QTMAN: variants seen among roughly 807,000 people sequenced by gnomAD.
QTMAN encodes queuosine-tRNA mannosyltransferase, also known as tRNA-queuosine alpha-mannosyltransferase.
the QTMAN span, among the ~76,000 whole-genome samples, chr2:144,022,303 T>C: frequency 2.5e-4 from 38 of 151,868 alleles, no homozygotes; most frequent in Admixed American, 2.2e-3. Context: ...AATTTGTATA[T>C]ATATATGATG....
chr2:144,210,872 T>C, the QTMAN span: 1 of 152,166 alleles, frequency 6.6e-6, no homozygotes, highest in African/African-American at 2.4e-5. Context: ...TCTGACTTAC[T>C]CAGAGGAAAT....
the QTMAN span, among the ~76,000 whole-genome samples, chr2:144,293,926 T>C: frequency 6.6e-6 from 1 of 152,220 alleles, no homozygotes; most frequent in East Asian, 1.9e-4. Context: ...CATCTCTTAA[T>C]GGACTACACA....
chr2:144,268,746 CTA>C, the QTMAN span, among the ~76,000 whole-genome samples: 1 of 152,268 alleles, frequency 6.6e-6, no homozygotes, highest in South Asian at 2.1e-4. Context: ...AATAACATTG[CTA>C]TGTTATAATT....
the QTMAN span, chr2:144,011,675 A>C: frequency 1.0e-6 from 1 of 969,932 alleles, no homozygotes; most frequent in Non-Finnish European, 1.2e-6. Context: ...TACCTTACTG[A>C]TGGGGTGAAA....
chr2:144,328,341 TCTTA>T, the QTMAN span, among the ~76,000 whole-genome samples: 1 of 152,210 alleles, frequency 6.6e-6, no homozygotes, highest in African/African-American at 2.4e-5. Flanking sequence ...CACTAGATAT[TCTTA>T]CTAATTGTCT....
chr2:144,246,726 C>A, the QTMAN span, among the ~76,000 whole-genome samples: 1 of 152,122 alleles, frequency 6.6e-6, no homozygotes, highest in Non-Finnish European at 1.5e-5. Flanking sequence ...CATTCTCTTA[C>A]CACAGTGGAC....
At chr2:143,972,879 G>T in the QTMAN span, among the ~76,000 whole-genome samples, 1 of 152,152 alleles carries the variant, frequency 6.6e-6, no homozygotes. Flanking sequence ...TTTAAACAAA[G>T]TACTGTTTAG....
the QTMAN span, among the ~76,000 whole-genome samples, chr2:144,242,228 T>G: frequency 6.6e-6 from 1 of 152,134 alleles, no homozygotes; most frequent in Non-Finnish European, 1.5e-5. Context: ...ATATTTTTGA[T>G]GAACTGATAG....
the QTMAN span, among the ~76,000 whole-genome samples, chr2:144,094,054 C>T: frequency 3.9e-5 from 6 of 152,258 alleles, no homozygotes; most frequent in South Asian, 6.2e-4. Context: ...TGATGATCTA[C>T]GTTGTAATTC....
chr2:144,297,888 T>C, the QTMAN span, among the ~76,000 whole-genome samples: 2 of 150,836 alleles, frequency 1.3e-5, no homozygotes, highest in Non-Finnish European at 1.5e-5. Context: ...CTGGATTCCA[T>C]CTCTTAAAAA....
chr2:143,979,171 A>C, the QTMAN span, among the ~76,000 whole-genome samples: 2 of 152,226 alleles, frequency 1.3e-5, no homozygotes, highest in East Asian at 1.9e-4. Context: ...AAAAAAAAAA[A>C]CAAAACCCTC....
At chr2:144,308,292 G>T in the QTMAN span, among the ~76,000 whole-genome samples, 2 of 148,266 alleles carry the variant, frequency 1.3e-5, no homozygotes, top group African/African-American at 5.0e-5. Context: ...TCAGCCTCCC[G>T]AGTAGCTGGG....
chr2:143,958,115 A>C, the QTMAN span, among the ~76,000 whole-genome samples: 1 of 152,128 alleles, frequency 6.6e-6, no homozygotes, highest in Non-Finnish European at 1.5e-5. Flanking sequence ...TATTTAGAAG[A>C]TAGTATTTTG....
the QTMAN span, among the ~76,000 whole-genome samples, chr2:144,143,469 C>T: frequency 1.3e-5 from 2 of 151,918 alleles, no homozygotes; most frequent in African/African-American, 4.8e-5. Flanking sequence ...ATGTTAATAT[C>T]TAGCAGAATA....
chr2:144,069,801 T>C, the QTMAN span, among the ~76,000 whole-genome samples: 2 of 152,092 alleles, frequency 1.3e-5, no homozygotes, highest in African/African-American at 2.4e-5. Flanking sequence ...CATTAGCATT[T>C]TGCACACATT....
the QTMAN span, among the ~76,000 whole-genome samples, chr2:143,961,780 GTAGA>G: frequency 1.3e-5 from 2 of 152,106 alleles, no homozygotes; most frequent in East Asian, 3.9e-4. Context: ...AGCTGCAGGA[GTAGA>G]CTTTAAGCCC....
chr2:144,080,870 C>T, the QTMAN span, among the ~76,000 whole-genome samples: 2 of 152,144 alleles, frequency 1.3e-5, no homozygotes, highest in Non-Finnish European at 2.9e-5. Context: ...AAACACTAAG[C>T]AGTATCACCT....
the QTMAN span, among the ~76,000 whole-genome samples, chr2:144,215,906 A>G: frequency 6.6e-6 from 1 of 152,210 alleles, no homozygotes; most frequent in African/African-American, 2.4e-5. Flanking sequence ...ATGTGACCAT[A>G]AAATGACATG....
At chr2:144,007,042 G>T in the QTMAN span, 1 of 568,914 alleles carries the variant, frequency 1.8e-6, no homozygotes, top group Non-Finnish European at 3.0e-6. Flanking sequence ...TACCACCTTG[G>T]CAGATCATTA....
Sources: gnomAD v4.1 joint callset for allele counts (sites outside exome capture counted in the v4.1 genomes callset) on GRCh38, gnomAD v4.1.1 for gene constraint, MANE v1.5 for transcripts, NCBI Gene and HGNC (gene_info 2026-07-23, HGNC 2026-07-21) for gene names.